Variants in NCOA3 observed in about 807,000 individuals in gnomAD.
NCOA3 encodes the protein nuclear receptor coactivator 3.
In NCOA3, 51 loss-of-function variants were observed where a neutral mutation model predicts 158.8. The observed-to-expected ratio is 0.32, with a 90% CI of 0.26 to 0.41. NCOA3 has a LOEUF of 0.41. Among genes scored for constraint, NCOA3 ranks in the 10% least tolerant of loss-of-function variants. The pLI is 1.00. For missense variants in NCOA3, 1,510 were observed against 1,746.6 expected, an observed-to-expected ratio of 0.86 and a Z score of 2.41; for synonymous variants, 537 against 592.4, an observed-to-expected ratio of 0.91 and a Z score of 1.36.
intron 1 of NCOA3, among the ~76,000 whole-genome samples, chr20:47,554,825 A>G (rs1602394058): frequency 1.3e-5 from 2 of 152,160 alleles, no homozygotes; most frequent in Admixed American, 6.6e-5. Context: ...TCGAGCTACC[A>G]ATGACTTTCT....
At chr20:47,533,284 CAAAAA>C (rs1158802672) in intron 1 of NCOA3, among the ~76,000 whole-genome samples, 8 of 54,840 alleles carry the variant, frequency 1.5e-4, no homozygotes, top group African/African-American at 5.5e-4. Flanking sequence ...GGTTCCGTCT[CAAAAA>C]AAAAAAAAAA....
chr20:47,650,914 G>T lies in NCOA3; in HGVS notation c.3652-68G>T, dbSNP rs2086775060. On this transcript the variant is annotated intron_variant, in intron 19 of 22. Transcript: ENST00000371998. ...GTCTTATACCTGGTGTATTGTGGGG[G>T]TACTATATGTATGCAACTGGCAGGT... is the stretch of plus-strand genomic sequence containing the variant. 3 of 1,418,208 alleles carry T rather than the reference G, an allele frequency of 2.1e-6. No individual in the cohort carries two copies. In the Admixed American group the frequency reaches 5.2e-5, roughly 24 times the overall value. 87.9% of individuals were successfully genotyped at this position (1,418,208 alleles called of 1,614,324 possible). A position where few individuals can be genotyped will look rare whatever the true frequency, so the allele number is the denominator to read the frequency against.
intron 1 of NCOA3, among the ~76,000 whole-genome samples, chr20:47,581,917 C>T (rs2085459831): frequency 6.6e-6 from 1 of 152,150 alleles, no homozygotes; most frequent in African/African-American, 2.4e-5. Flanking sequence ...TGAGCCTTTC[C>T]TCTGGCCTTT....
intron 2 of NCOA3, among the ~76,000 whole-genome samples, chr20:47,617,409 C>G (rs2086157045): frequency 6.6e-6 from 1 of 152,158 alleles, no homozygotes; most frequent in African/African-American, 2.4e-5. Context: ...AGTTACTGTT[C>G]CATGTTTCTT....
At chr20:47,568,248 C>T (rs199535168) in intron 1 of NCOA3, among the ~76,000 whole-genome samples, 2 of 152,094 alleles carry the variant, frequency 1.3e-5, no homozygotes, top group East Asian at 1.9e-4. Context: ...ATGGCACTTC[C>T]GTTGTGCCAG....
rs867039883 is a variant in NCOA3, at chr20:47,635,468, C to T, written c.1259C>T (p.Ala420Val). ...QMPSSRAYGL[A>V]DPSTTGQMSG... is the part of the protein sequence containing the mutation. The stretch of plus-strand genomic sequence containing the variant: ...CCGAGCAGCAGGGCCTATGGCTTGG[C>T]AGACCCTAGCACCACAGGGCAGATG... The change falls in exon 11 of 23, where the codon GCA (alanine) becomes GTA (valine). Residue 420 changes from alanine (A) to valine (V), a missense_variant. By Grantham distance (64) the Ala-to-Val change is moderately conservative (BLOSUM62 0). Coordinates refer to ENST00000371998, the MANE Select transcript of NCOA3 (RefSeq NM_181659.3). 1 of 1,614,046 alleles carries T rather than the reference C, an allele frequency of 6.2e-7. No individual in the cohort carries two copies.
chr20:47,585,965 G>T (rs920684081), intron 2 of NCOA3, among the ~76,000 whole-genome samples: 4 of 146,478 alleles, frequency 2.7e-5, no homozygotes, highest in African/African-American at 1.0e-4. Flanking sequence ...TTGTTACCCA[G>T]CTTGGAGTGC....
intron 1 of NCOA3, among the ~76,000 whole-genome samples, chr20:47,573,802 C>G (rs539289397): frequency 6.6e-6 from 1 of 152,296 alleles, no homozygotes; most frequent in African/African-American, 2.4e-5. Flanking sequence ...CCTTTCTTAG[C>G]CACACCTAGG....
At chr20:47,506,251 T>G (rs768810324) in intron 1 of NCOA3, among the ~76,000 whole-genome samples, 19 of 152,198 alleles carry the variant, frequency 1.2e-4, no homozygotes, top group Non-Finnish European at 2.4e-4. Flanking sequence ...ATTCATTTTG[T>G]CTATCATTTT....
intron 1 of NCOA3, among the ~76,000 whole-genome samples, chr20:47,570,939 TACACACACACACAC>T (rs71183265): frequency 2.6e-5 from 3 of 114,872 alleles, no homozygotes; most frequent in Admixed American, 1.7e-4. Context: ...GTAATATATA[TACACACACACACAC>T]ACACACACAC....
Position 47,542,009 on chromosome 20 carries a change from G to GTTTTTTTGTT in NCOA3, c.-99+39997_-99+39998insGTTTTTTTTT, listed in dbSNP as rs71183262. ...ATCAAATTATTTTTTGCCCTGTAGA[G>GTTTTTTTGTT]TTTTTTTTTTTTTTTTTTTTTGTTG... On this transcript the variant is annotated intron_variant, in intron 1 of 22. Coordinates refer to ENST00000371998, the MANE Select transcript of NCOA3 (RefSeq NM_181659.3). 2.5e-4 allele frequency among the ~76,000 whole-genome samples: 14 copies of GTTTTTTTGTT among 56,352 alleles called. 2 individuals carry two copies. The highest frequency in any genetic ancestry group is 4.3e-4 in the East Asian group (1 of 2,300). 37.0% of individuals were successfully genotyped at this position (56,352 alleles called of 152,430 possible).
intron 2 of NCOA3, among the ~76,000 whole-genome samples, chr20:47,604,518 A>G (rs6094749): frequency 0.017 from 2,575 of 152,334 alleles, 74 homozygotes; most frequent in African/African-American, 0.059. Context: ...CTATCTTTTC[A>G]AATTATTTAT....
chr20:47,597,590 G>T (rs1428103613), intron 2 of NCOA3, among the ~76,000 whole-genome samples: 1 of 151,118 alleles, frequency 6.6e-6, no homozygotes. Context: ...CCGGGTTCAT[G>T]CCATTCTCCT....
chr20:47,506,769 T>C (rs1052450634), intron 1 of NCOA3, among the ~76,000 whole-genome samples: 2 of 5,448 alleles, frequency 3.7e-4, no homozygotes, highest in Non-Finnish European at 2.1e-3. Flanking sequence ...CATCTGTGTC[T>C]TTTTTTTTAA....
At chr20:47,570,939 T>TATACACACACAC (rs369516174) in intron 1 of NCOA3, among the ~76,000 whole-genome samples, 5 of 114,872 alleles carry the variant, frequency 4.4e-5, no homozygotes, top group African/African-American at 1.4e-4. Context: ...GTAATATATA[T>TATACACACACAC]ACACACACAC....
intron 1 of NCOA3, among the ~76,000 whole-genome samples, chr20:47,529,015 C>T (rs1371658956): frequency 4.6e-5 from 7 of 152,176 alleles, no homozygotes; most frequent in Non-Finnish European, 7.3e-5. Context: ...GATCCACCCG[C>T]CTTGGCCTCC....
At chr20:47,503,315 G>A (rs1198096772) in intron 1 of NCOA3, among the ~76,000 whole-genome samples, 1 of 152,170 alleles carries the variant, frequency 6.6e-6, no homozygotes, top group African/African-American at 2.4e-5. Flanking sequence ...AAATGTTAAT[G>A]GAAACCTGTA....
chr20:47,526,209 C>T (rs1323196890), intron 1 of NCOA3, among the ~76,000 whole-genome samples: 11 of 150,278 alleles, frequency 7.3e-5, no homozygotes, highest in Admixed American at 1.3e-4. Context: ...TGATGGCGGC[C>T]GGGAAGAGGC....
intron 1 of NCOA3, among the ~76,000 whole-genome samples, chr20:47,566,237 C>CTTTTTGTTCCCAGTTCTCA (rs1207511743): frequency 4.6e-5 from 7 of 152,088 alleles, no homozygotes; most frequent in African/African-American, 1.7e-4. Context: ...CCACCCCTCC[C>CTTTTTGTTCCCAGTTCTCA]TTTTTGTTCC....
Sources: gnomAD v4.1 joint callset for allele counts (sites outside exome capture counted in the v4.1 genomes callset) on GRCh38, gnomAD v4.1.1 for gene constraint, MANE v1.5 for transcripts, NCBI Gene and HGNC (gene_info 2026-07-23, HGNC 2026-07-21) for gene names.